ARHGAP8: variants seen among roughly 807,000 people sequenced by gnomAD.
The protein encoded by ARHGAP8 is rho GTPase-activating protein 8.
In ARHGAP8, 62 loss-of-function variants were observed where a neutral mutation model predicts 46.1. The ratio of observed to expected loss-of-function variants is 1.34; its 90% CI spans 1.10 to 1.66. The LOEUF is 1.66. Among genes scored for constraint, ARHGAP8 ranks in the 40% most tolerant of loss-of-function variants. The pLI, the probability that ARHGAP8 is intolerant of heterozygous loss-of-function variation, is 0.00. For missense variants in ARHGAP8, 923 were observed against 568.4 expected (o/e 1.62, Z -6.34); for synonymous variants, 375 against 243.1 (o/e 1.54, Z -5.05).
At chr22:44,861,756 G>A (rs1484428873) in intron 11 of ARHGAP8, among the ~76,000 whole-genome samples, 1 of 152,148 alleles carries the variant, frequency 6.6e-6, no homozygotes, top group Non-Finnish European at 1.5e-5. Flanking sequence ...TTCCTCATCT[G>A]TAAGATGGGG....
At chr22:44,760,906 GC>G (rs1925078699) in intron 1 of ARHGAP8, among the ~76,000 whole-genome samples, 1 of 152,218 alleles carries the variant, frequency 6.6e-6, no homozygotes, top group African/African-American at 2.4e-5. Flanking sequence ...GAGAGAAAGG[GC>G]TTGTCAGGGA....
At chr22:44,757,696 T>A (rs1417595684) in intron 1 of ARHGAP8, among the ~76,000 whole-genome samples, 1 of 152,130 alleles carries the variant, frequency 6.6e-6, no homozygotes, top group African/African-American at 2.4e-5. Flanking sequence ...TGGAGTGTAG[T>A]GGCGTGATCT....
chr22:44,828,997 G>A lies in ARHGAP8; in HGVS notation c.596+3404G>A, dbSNP rs183370440. Among the ~76,000 whole-genome samples the A allele has an allele frequency of 1.8e-3, 278 of 151,880 alleles. No individual in the cohort carries two copies. In the Middle Eastern group the frequency reaches 0.034, roughly 19 times the overall value. On this transcript the variant is annotated intron_variant, in intron 7 of 11. Coordinates refer to ENST00000356099, the MANE Select transcript of ARHGAP8 (RefSeq NM_181335.3). ...TTTAAAAACGAAAAACAAAGCCCGGGTGCGGTGGCTCATGCCTGTAATCCC... is the reference window on the plus strand; with the variant it reads ...TTTAAAAACGAAAAACAAAGCCCGGATGCGGTGGCTCATGCCTGTAATCCC...
chr22:44,821,428 C>CT (rs1555915389), intron 5 of ARHGAP8, among the ~76,000 whole-genome samples: 2 of 9,684 alleles, frequency 2.1e-4, no homozygotes, highest in Admixed American at 1.2e-3. Context: ...GACTCCATCT[C>CT]GAAAAAAAAA....
rs183191076 is a variant in ARHGAP8 at position 44,775,831 on chromosome 22, A to G, written c.-71-10626A>G. Among the ~76,000 whole-genome samples the G allele has an allele frequency of 1.7e-3, 255 of 152,264 alleles. 1 individual carries two copies. The highest frequency in any genetic ancestry group is 3.5e-3 in the Admixed American group (53 of 15,284). Reference sequence around the variant, plus strand: ...TATCTCATTTTTAATCAGTTTATCTATATTATGTAGCTACTTAGCATTCTG... The same window carrying G: ...TATCTCATTTTTAATCAGTTTATCTGTATTATGTAGCTACTTAGCATTCTG... On this transcript the variant is annotated intron_variant, in intron 1 of 11. Coordinates refer to ENST00000356099, the MANE Select transcript of ARHGAP8 (RefSeq NM_181335.3).
intron 8 of ARHGAP8, among the ~76,000 whole-genome samples, chr22:44,845,951 G>A (rs922732255): frequency 3.3e-5 from 5 of 152,162 alleles, no homozygotes; most frequent in African/African-American, 9.7e-5. Flanking sequence ...TAGGTGGGCC[G>A]GGTGGTCTCC....
chr22:44,830,353 A>G (rs993808106), intron 7 of ARHGAP8, among the ~76,000 whole-genome samples: 5 of 150,620 alleles, frequency 3.3e-5, no homozygotes, highest in African/African-American at 1.2e-4. Context: ...ATTTTTTTAG[A>G]CAGAATCTCG....
chr22:44,825,443 C>A, intron 6 of ARHGAP8, 40 bp from the exon 7 acceptor site: 1 of 1,582,888 alleles, frequency 6.3e-7, no homozygotes, highest in Non-Finnish European at 8.6e-7. Flanking sequence ...CTGCCAGCTG[C>A]CCCTGCCAGG....
chr22:44,792,551 C>G (rs1348152508), intron 2 of ARHGAP8, among the ~76,000 whole-genome samples: 1 of 152,152 alleles, frequency 6.6e-6, no homozygotes, highest in Non-Finnish European at 1.5e-5. Flanking sequence ...GTGGCATGGA[C>G]CCCTCCAGGA....
chr22:44,858,979 A>G (rs1208296718), intron 10 of ARHGAP8, among the ~76,000 whole-genome samples: 2 of 151,828 alleles, frequency 1.3e-5, no homozygotes, highest in Non-Finnish European at 2.9e-5. Flanking sequence ...AGCCACAGGC[A>G]ATGTACAAAA....
At chr22:44,834,779 G>A (rs1044655960) in intron 7 of ARHGAP8, among the ~76,000 whole-genome samples, 14 of 151,954 alleles carry the variant, frequency 9.2e-5, no homozygotes, top group African/African-American at 3.1e-4. Context: ...CATGTTTAGG[G>A]GCTGTATTGT....
At chr22:44,840,094 G>A (rs1298625251) in intron 7 of ARHGAP8, among the ~76,000 whole-genome samples, 1 of 152,176 alleles carries the variant, frequency 6.6e-6, no homozygotes, top group Non-Finnish European at 1.5e-5. Flanking sequence ...AAAGGTTCCC[G>A]AGATCACAGG....
At chr22:44,847,907 C>A in intron 8 of ARHGAP8, 66 bp from the exon 9 acceptor site, 1 of 1,590,796 alleles carries the variant, frequency 6.3e-7, no homozygotes. Flanking sequence ...AGGGGAGTGT[C>A]ATATAATGTC....
chr22:44,826,390 TTC>T (rs1342789507), intron 7 of ARHGAP8, among the ~76,000 whole-genome samples: 4 of 152,182 alleles, frequency 2.6e-5, no homozygotes, highest in Non-Finnish European at 4.4e-5. Context: ...AACTCACCTC[TTC>T]TCTCAGCTTG....
At chr22:44,760,923 G>A (rs1391946253) in intron 1 of ARHGAP8, among the ~76,000 whole-genome samples, 3 of 152,196 alleles carry the variant, frequency 2.0e-5, no homozygotes, top group African/African-American at 4.8e-5. Context: ...AGGGAGGGTC[G>A]GGAGGGAGTT....
At chr22:44,782,172 T>C (rs1926889963) in intron 1 of ARHGAP8, among the ~76,000 whole-genome samples, 1 of 151,912 alleles carries the variant, frequency 6.6e-6, no homozygotes, top group Non-Finnish European at 1.5e-5. Flanking sequence ...CCATCTCTAC[T>C]AAAAATACAA....
At chr22:44,798,711 C>T (rs2147072993) in intron 2 of ARHGAP8, among the ~76,000 whole-genome samples, 1 of 152,254 alleles carries the variant, frequency 6.6e-6, no homozygotes, top group South Asian at 2.1e-4. Flanking sequence ...TTGTCCAGGG[C>T]AGCCCCCACC....
chr22:44,787,537 G>C (rs5766010), intron 2 of ARHGAP8, among the ~76,000 whole-genome samples: 1 of 151,728 alleles, frequency 6.6e-6, no homozygotes, highest in Non-Finnish European at 1.5e-5. Flanking sequence ...TAGAGACGGG[G>C]TTTCGCCATT....
chr22:44,826,845 G>T (rs2147124998), intron 7 of ARHGAP8, among the ~76,000 whole-genome samples: 1 of 152,276 alleles, frequency 6.6e-6, no homozygotes, highest in Admixed American at 6.5e-5. Context: ...ATGTGGGCAG[G>T]GGCATTCCTG....
Sources: allele counts gnomAD v4.1 joint callset (sites outside exome capture counted in the v4.1 genomes callset), GRCh38; gene constraint gnomAD v4.1.1; transcripts MANE v1.5; gene names NCBI Gene and HGNC (gene_info 2026-07-23, HGNC 2026-07-21).